Variants in CCNY observed in about 807,000 individuals in gnomAD.
The protein encoded by CCNY is cyclin Y.
A neutral mutation model predicts 42.8 loss-of-function variants in CCNY; 19 were observed. That is an observed-to-expected ratio of 0.44 (90% CI 0.31 to 0.65). The LOEUF (loss-of-function observed/expected upper bound fraction) is 0.65, where lower values mean the gene tolerates loss of function less well. Among genes scored for constraint, CCNY ranks in the 30% least tolerant of loss-of-function variants. CCNY has a pLI of 0.07. For synonymous variants in CCNY, 165 were observed against 162.7 expected (o/e 1.01, Z -0.11); for missense variants, 370 against 437.3 (o/e 0.85, Z 1.37).
chr10:35,344,725 C>A (rs1836261908), intron 1 of CCNY, among the ~76,000 whole-genome samples: 1 of 152,060 alleles, frequency 6.6e-6, no homozygotes, highest in African/African-American at 2.4e-5. Context: ...TCCCTCCCCA[C>A]TCCCCCCACC....
At chr10:35,497,786 G>A (rs1840031397) in intron 2 of CCNY, among the ~76,000 whole-genome samples, 1 of 151,806 alleles carries the variant, frequency 6.6e-6, no homozygotes, top group Non-Finnish European at 1.5e-5. Flanking sequence ...TAATGTCTTG[G>A]TTGTGCTCCT....
chr10:35,493,129 G>A (rs553705718), intron 2 of CCNY, among the ~76,000 whole-genome samples: 15 of 152,276 alleles, frequency 9.9e-5, no homozygotes, highest in Admixed American at 3.3e-4. Context: ...GCTTTCCAGT[G>A]TGGAGAAAGC....
chr10:35,331,907 T>C (rs1835948664), upstream of CCNY, among the ~76,000 whole-genome samples: 1 of 152,242 alleles, frequency 6.6e-6, no homozygotes, highest in Non-Finnish European at 1.5e-5. Flanking sequence ...GTTCTTGTGA[T>C]TGTTTAACTT....
chr10:35,426,244 C>CA (rs921763657), intron 1 of CCNY, among the ~76,000 whole-genome samples: 2 of 151,902 alleles, frequency 1.3e-5, no homozygotes, highest in South Asian at 2.1e-4. Flanking sequence ...TTCACACACA[C>CA]ACACACACAA....
chr10:35,530,134 T>C lies in CCNY; in HGVS notation c.470T>C (p.Val157Ala). ...ENLHPLSKSE[V>A]PPDYDKHNPE... is the part of the protein sequence containing the mutation. ...TATTTTCTTCCCCAGAAATCCGAAG[T>C]GCCACCAGATTATGACAAACACAAC... Residue 157 changes from valine to alanine, a missense_variant, in exon 7 of 10, where the codon GTG becomes GCG. Val to Ala is a moderately conservative substitution (Grantham distance 64). Around this residue, in one of 2 missense-constraint regions of CCNY, gnomAD observed 234 missense variants for 313.1 expected, o/e 0.75. Coordinates refer to ENST00000374704, the MANE Select transcript of CCNY (RefSeq NM_145012.6). This position sits in a 1 kb window ranked among gnomAD's most constrained non-coding sequence, Gnocchi z 4.3. The C allele has an allele frequency of 6.2e-7, 1 of 1,614,208 alleles. No homozygotes were observed. Among genetic ancestry groups the C allele is most frequent in the Non-Finnish European group, 8.5e-7 (1 of 1,180,022 alleles).
intron 1 of CCNY, among the ~76,000 whole-genome samples, chr10:35,377,286 C>T (rs1232551441): frequency 6.6e-6 from 1 of 152,222 alleles, no homozygotes; most frequent in Admixed American, 6.5e-5. Context: ...ACTTCCAGTC[C>T]TGCAAGCTCC....
intron 1 of CCNY, among the ~76,000 whole-genome samples, chr10:35,464,379 C>T (rs980974228): frequency 1.3e-5 from 2 of 152,192 alleles, no homozygotes; most frequent in Non-Finnish European, 2.9e-5. Flanking sequence ...ACAACTTTTA[C>T]TCCTTGGGCT....
intron 1 of CCNY, among the ~76,000 whole-genome samples, chr10:35,389,069 T>C (rs1194250721): frequency 6.6e-6 from 1 of 152,230 alleles, no homozygotes; most frequent in Non-Finnish European, 1.5e-5. Flanking sequence ...GCAACCTTAA[T>C]TCCCCTTTGC....
chr10:35,467,299 AG>A (rs1839289872), intron 1 of CCNY, among the ~76,000 whole-genome samples: 1 of 152,178 alleles, frequency 6.6e-6, no homozygotes, highest in South Asian at 2.1e-4. Flanking sequence ...TGTCATTATT[AG>A]TATGCTAATT....
chr10:35,400,835 G>A (rs1329752393), intron 1 of CCNY, among the ~76,000 whole-genome samples: 1 of 152,212 alleles, frequency 6.6e-6, no homozygotes, highest in Non-Finnish European at 1.5e-5. Flanking sequence ...GAGCCATGGT[G>A]CAGTTGCTGT....
chr10:35,343,382 CTTTTTTTTTTTT>C lies in CCNY; in HGVS notation c.154+6188_154+6199del, dbSNP rs9299720. ...CACCCTCCTCTACAAAGCTGATGGT[CTTTTTTTTTTTT>C]TTTTTTTTTTTTGAAACGGAGTTTC... On this transcript the variant is annotated intron_variant, in intron 1 of 9. Coordinates refer to ENST00000374704, the MANE Select transcript of CCNY (RefSeq NM_145012.6). Among the ~76,000 whole-genome samples the C allele has an allele frequency of 5.7e-3, 493 of 85,902 alleles. 6 individuals are homozygous for C. The highest frequency in any genetic ancestry group is 8.2e-3 in the Non-Finnish European group (388 of 47,392). 56.4% of individuals were successfully genotyped at this position (85,902 alleles called of 152,430 possible).
chr10:35,396,807 C>T (rs544033423), intron 1 of CCNY, among the ~76,000 whole-genome samples: 11 of 152,214 alleles, frequency 7.2e-5, no homozygotes, highest in Non-Finnish European at 1.0e-4. Context: ...GTGCTCTCCC[C>T]GTGAGGCTCC....
At chr10:35,384,994 A>G (rs907434571) in intron 1 of CCNY, among the ~76,000 whole-genome samples, 1 of 152,176 alleles carries the variant, frequency 6.6e-6, no homozygotes, top group African/African-American at 2.4e-5. Context: ...AAAGGCAGTC[A>G]TCTCTAGGAA....
intron 8 of CCNY, among the ~76,000 whole-genome samples, chr10:35,556,075 C>CT (rs1020289480): frequency 1.3e-5 from 2 of 152,080 alleles, no homozygotes; most frequent in African/African-American, 2.4e-5. Flanking sequence ...TGTTTTCTGT[C>CT]TTTTTTGAAA....
chr10:35,259,669 ATTGTT>A (rs1370388305), intron 3 of CCNY, among the ~76,000 whole-genome samples: 1 of 115,020 alleles, frequency 8.7e-6, no homozygotes, highest in East Asian at 2.8e-4. Context: ...TGCCTGGCTA[ATTGTT>A]TTTTTTTTTT....
At chr10:35,531,960 G>T (rs547490008) in intron 7 of CCNY, among the ~76,000 whole-genome samples, 1 of 152,360 alleles carries the variant, frequency 6.6e-6, no homozygotes, top group Admixed American at 6.5e-5. Flanking sequence ...TTGGAGTAGT[G>T]TAGGACTGGC....
chr10:35,341,419 G>A (rs947689482), intron 1 of CCNY, among the ~76,000 whole-genome samples: 3 of 152,080 alleles, frequency 2.0e-5, no homozygotes, highest in African/African-American at 7.2e-5. Flanking sequence ...CTGCACTCCT[G>A]TTTCTTTATT....
intron 1 of CCNY, among the ~76,000 whole-genome samples, chr10:35,359,417 T>C (rs1836630835): frequency 6.6e-6 from 1 of 152,240 alleles, no homozygotes; most frequent in Non-Finnish European, 1.5e-5. Flanking sequence ...TAGATGGCTG[T>C]GTTTTTTGTT....
rs1839422098 is a variant in CCNY at position 35,473,044 on chromosome 10, G to A, written c.155-10360G>A. Among the ~76,000 whole-genome samples the A allele has an allele frequency of 2.0e-5, 3 of 152,190 alleles. No individual in the cohort carries two copies. In the South Asian group the frequency reaches 6.2e-4, roughly 32 times the overall value. On this transcript the variant is annotated intron_variant, in intron 1 of 9. Transcript: ENST00000374704. Reference sequence around the variant, plus strand: ...TTTGACTCAAAAAATTATGAGTCCAGTGCTTTGTTTAAGCTATTCTCTTGT... The same window carrying A: ...TTTGACTCAAAAAATTATGAGTCCAATGCTTTGTTTAAGCTATTCTCTTGT...
Sources: allele counts gnomAD v4.1 joint callset (sites outside exome capture counted in the v4.1 genomes callset), GRCh38; gene constraint gnomAD v4.1.1; regional missense constraint gnomAD v4.1.1; non-coding constraint Gnocchi (gnomAD v3.1); transcripts MANE v1.5; gene names NCBI Gene and HGNC (gene_info 2026-07-23, HGNC 2026-07-21).